The following SMIM35 variants were observed in gnomAD, a reference collection of about 807,000 sequenced individuals.
The protein encoded by SMIM35 is small integral membrane protein 35.
intron 1 of SMIM35, chr11:118,025,749 T>C: frequency 2.2e-6 from 1 of 454,430 alleles, no homozygotes; most frequent in South Asian, 1.6e-5. Flanking sequence ...GGTTGTCTGT[T>C]TGTTCTGTTG....
At chr11:118,065,485 C>A (rs188226154) in intron 1 of SMIM35, among the ~76,000 whole-genome samples, 33 of 152,322 alleles carry the variant, frequency 2.2e-4, no homozygotes, top group East Asian at 5.8e-4. Context: ...CACCTTCCGT[C>A]GCTGGCCAAC....
intron 1 of SMIM35, among the ~76,000 whole-genome samples, chr11:118,022,250 C>T (rs1275936415): frequency 2.0e-5 from 3 of 152,222 alleles, no homozygotes; most frequent in South Asian, 2.1e-4. Flanking sequence ...AGGGTTTCAC[C>T]ATGTTGGCCA....
At chr11:118,012,286 C>T (rs1181621793) in intron 4 of SMIM35, among the ~76,000 whole-genome samples, 1 of 152,192 alleles carries the variant, frequency 6.6e-6, no homozygotes, top group African/African-American at 2.4e-5. Context: ...CACTAAGCAC[C>T]TTCTAAGCTG....
chr11:118,038,268 A>G lies in SMIM35; in HGVS notation c.8-22459T>C, dbSNP rs180759282. Among the ~76,000 whole-genome samples the G allele has an allele frequency of 8.5e-5, 13 of 152,342 alleles. No individual in the cohort carries two copies. In the East Asian group the frequency reaches 1.5e-3, roughly 18 times the overall value. On this transcript the variant is annotated intron_variant, in intron 1 of 4. Transcript: ENST00000689828. ...GGCAGTGTCGTCCTGCTTATAAACT[A>G]TAAGACACATTTTCTTTTGTGTTTG...
chr11:118,013,922 T>C, intron 3 of SMIM35, 42 bp from the exon 4 acceptor site: 1 of 398,928 alleles, frequency 2.5e-6, no homozygotes, highest in Middle Eastern at 6.3e-4. Flanking sequence ...GCTGATAACC[T>C]AGCCTCTCCC....
intron 1 of SMIM35, among the ~76,000 whole-genome samples, chr11:118,085,251 T>G (rs1945459216): frequency 7.0e-6 from 1 of 142,360 alleles, no homozygotes; most frequent in Non-Finnish European, 1.5e-5. Flanking sequence ...TGAGACAGAG[T>G]CTAACACTGT....
In SMIM35 at chr11:118,058,711, G is replaced by C. The variant is rs541263528; in HGVS notation, c.7+28040C>G. Among the ~76,000 whole-genome samples the C allele has an allele frequency of 2.1e-4, 32 of 152,288 alleles. No homozygotes were observed. In the South Asian group the frequency reaches 6.4e-3, roughly 31 times the overall value. On this transcript the variant is annotated intron_variant, in intron 1 of 4. Transcript: ENST00000689828. ...CCCATCTGGACCCGAGGGCTGCGGCGCAGAGCACGTCCTGCCTCCAGGCCA... is the reference window on the plus strand; with the variant it reads ...CCCATCTGGACCCGAGGGCTGCGGCCCAGAGCACGTCCTGCCTCCAGGCCA...
intron 1 of SMIM35, among the ~76,000 whole-genome samples, chr11:118,040,823 G>A (rs1015575879): frequency 9.9e-5 from 15 of 151,984 alleles, no homozygotes; most frequent in African/African-American, 3.4e-4. Context: ...AGCACTAAGG[G>A]GTGGATGGGA....
intron 1 of SMIM35, among the ~76,000 whole-genome samples, chr11:118,017,781 G>C (rs1565380739): frequency 6.6e-6 from 1 of 152,142 alleles, no homozygotes; most frequent in Non-Finnish European, 1.5e-5. Flanking sequence ...TTACAGTCAG[G>C]GTGGAAGGGG....
intron 1 of SMIM35, among the ~76,000 whole-genome samples, chr11:118,042,839 T>C (rs759333170): frequency 1.2e-4 from 19 of 152,228 alleles, no homozygotes; most frequent in Non-Finnish European, 2.1e-4. Flanking sequence ...GAGAGCAAGA[T>C]TAGTTCAGCA....
chr11:118,019,862 C>T (rs1293397068), intron 1 of SMIM35, among the ~76,000 whole-genome samples: 2 of 152,212 alleles, frequency 1.3e-5, no homozygotes, highest in Admixed American at 6.5e-5. Context: ...GATGTGCCTG[C>T]TTCTTTTTCT....
Position 118,014,587 on chromosome 11 carries a change from T to C in SMIM35, c.158+121A>G, listed in dbSNP as rs143568894. ...TTCTCGTGCCCTTCTTTTATTTTCT[T>C]AGGGGCATGAACAGAAGACAGGAAA... is the stretch of plus-strand genomic sequence containing the variant. On this transcript the variant is annotated intron_variant, in intron 3 of 4. Coordinates refer to ENST00000689828, the MANE Select transcript of SMIM35 (RefSeq NM_001394165.1). 1,893 of 398,092 alleles carry C rather than the reference T, an allele frequency of 4.8e-3. 7 individuals are homozygous for C. The highest frequency in any genetic ancestry group is 7.6e-3 in the Middle Eastern group (12 of 1,584). 24.7% of individuals were successfully genotyped at this position (398,092 alleles called of 1,614,324 possible).
At chr11:118,022,667 C>G (rs1037120400) in intron 1 of SMIM35, among the ~76,000 whole-genome samples, 4 of 152,126 alleles carry the variant, frequency 2.6e-5, no homozygotes, top group Non-Finnish European at 2.9e-5. Flanking sequence ...AAGAATCCAG[C>G]TATGTGCAGA....
At chr11:118,071,505 C>G (rs545032698) in intron 1 of SMIM35, among the ~76,000 whole-genome samples, 1 of 152,208 alleles carries the variant, frequency 6.6e-6, no homozygotes, top group Admixed American at 6.5e-5. Context: ...ACACTGGGTT[C>G]CCTCCACGCT....
At chr11:118,043,337 T>C (rs1177158193) in intron 1 of SMIM35, among the ~76,000 whole-genome samples, 1 of 151,976 alleles carries the variant, frequency 6.6e-6, no homozygotes, top group African/African-American at 2.4e-5. Flanking sequence ...AAACAGAATG[T>C]GGTATATCCA....
chr11:118,008,200 T>G (rs1565378090), intron 4 of SMIM35, among the ~76,000 whole-genome samples: 1 of 152,222 alleles, frequency 6.6e-6, no homozygotes, highest in Non-Finnish European at 1.5e-5. Flanking sequence ...CTGCTGCTAC[T>G]CTGGGCAGGC....
chr11:118,077,666 G>A (rs1418928907), intron 1 of SMIM35, among the ~76,000 whole-genome samples: 1 of 152,170 alleles, frequency 6.6e-6, no homozygotes, highest in Admixed American at 6.5e-5. Flanking sequence ...CTGTTCTGAT[G>A]CCACGGTTGC....
At chr11:118,067,043 T>C (rs1404488298) in intron 1 of SMIM35, among the ~76,000 whole-genome samples, 1 of 152,042 alleles carries the variant, frequency 6.6e-6, no homozygotes, top group African/African-American at 2.4e-5. Flanking sequence ...CTAAATACCT[T>C]GTCCATTGTG....
chr11:118,071,169 C>G (rs778205588), intron 1 of SMIM35, among the ~76,000 whole-genome samples: 42 of 152,340 alleles, frequency 2.8e-4, no homozygotes, highest in Non-Finnish European at 2.4e-4. Flanking sequence ...TCATGCCTGT[C>G]TTCCCCTCAC....
Sources: allele counts gnomAD v4.1 joint callset (sites outside exome capture counted in the v4.1 genomes callset), GRCh38; gene constraint gnomAD v4.1.1; transcripts MANE v1.5; gene names NCBI Gene and HGNC (gene_info 2026-07-23, HGNC 2026-07-21).